Variants in RERE observed in about 807,000 individuals in gnomAD.
RERE encodes arginine-glutamic acid dipeptide repeats protein.
Under a neutral mutation model 146.1 loss-of-function variants are expected in RERE, and 40 were observed. The observed-to-expected ratio is 0.27, with a 90% CI of 0.21 to 0.36. The LOEUF (loss-of-function observed/expected upper bound fraction) is 0.36, where lower values mean the gene tolerates loss of function less well. RERE is among the 10% of genes least tolerant of loss of function. RERE has a pLI of 1.00. For synonymous variants in RERE, 1,003 were observed against 866.0 expected (o/e 1.16, Z -2.78); for missense variants, 1,933 against 2,138.7 (o/e 0.90, Z 1.90).
In RERE at chr1:8,520,124, C is replaced by G. The variant is rs116905977; in HGVS notation, c.831-11449G>C. Among the ~76,000 whole-genome samples the G allele has an allele frequency of 3.9e-5, 6 of 152,334 alleles. No individual in the cohort carries two copies. In the East Asian group the frequency reaches 1.2e-3, roughly 29 times the overall value. ...AGATTTAGTCAACTTAAAGTTACCA[C>G]TTCCATATTCACACACAAATAAATA... On this transcript the variant is annotated intron_variant, in intron 7 of 22. Coordinates refer to ENST00000400908, the MANE Select transcript of RERE (RefSeq NM_001042681.2).
chr1:8,378,811 G>A (rs538504694), intron 12 of RERE, among the ~76,000 whole-genome samples: 11 of 152,306 alleles, frequency 7.2e-5, no homozygotes, highest in Non-Finnish European at 1.6e-4. Flanking sequence ...TCGAGGAAAG[G>A]AGAGGAACCA....
intron 1 of RERE, among the ~76,000 whole-genome samples, chr1:8,780,971 C>T (rs1318598268): frequency 6.6e-6 from 1 of 151,906 alleles, no homozygotes. Flanking sequence ...TCTGTAATCG[C>T]AGCACTCTGG....
chr1:8,586,124 C>T (rs1038840267), intron 4 of RERE, among the ~76,000 whole-genome samples: 1 of 152,162 alleles, frequency 6.6e-6, no homozygotes, highest in African/African-American at 2.4e-5. Context: ...AGTAGATTAT[C>T]TAGGTCAAAT....
chr1:8,453,001 C>G (rs1197068851), intron 11 of RERE, among the ~76,000 whole-genome samples: 1 of 152,124 alleles, frequency 6.6e-6, no homozygotes. Flanking sequence ...AACCGGATTA[C>G]ACATCTCAGA....
intron 1 of RERE, among the ~76,000 whole-genome samples, chr1:8,766,546 CAAAAAAA>C (rs60530407): frequency 0.05 from 3,320 of 65,992 alleles, 66 homozygotes; most frequent in Non-Finnish European, 0.082. Context: ...GACTCCATTG[CAAAAAAA>C]AAAAAAAAAA....
intron 1 of RERE, among the ~76,000 whole-genome samples, chr1:8,705,574 T>A (rs560719174): frequency 2.0e-5 from 3 of 152,324 alleles, no homozygotes; most frequent in African/African-American, 4.8e-5. Flanking sequence ...ACAGCATTGA[T>A]CTCCGTTTGT....
At chr1:8,717,762 C>T (rs1036084281) in intron 1 of RERE, among the ~76,000 whole-genome samples, 1 of 152,132 alleles carries the variant, frequency 6.6e-6, no homozygotes, top group African/African-American at 2.4e-5. Context: ...GGAAGGTAAC[C>T]AGGATAGATC....
At chr1:8,619,581 A>G (rs1389725870) in intron 3 of RERE, among the ~76,000 whole-genome samples, 1 of 152,196 alleles carries the variant, frequency 6.6e-6, no homozygotes. Context: ...GAGTTTGCTT[A>G]CTTATCTGTG....
intron 7 of RERE, among the ~76,000 whole-genome samples, chr1:8,538,394 T>C (rs932105067): frequency 6.6e-6 from 1 of 152,124 alleles, no homozygotes; most frequent in Non-Finnish European, 1.5e-5. Flanking sequence ...CAGAGGTAAA[T>C]TCTGCAAGGG....
rs1643959723 is a variant in RERE, at chr1:8,423,861, G to T, written c.1204-1054C>A. 6.7e-6 allele frequency among the ~76,000 whole-genome samples: 1 copy of T among 149,340 alleles called. No homozygotes were observed. Among genetic ancestry groups the T allele is most frequent in the South Asian group, 2.1e-4 (1 of 4,816 alleles). On this transcript the variant is annotated intron_variant, in intron 11 of 22. Coordinates refer to ENST00000400908, the MANE Select transcript of RERE (RefSeq NM_001042681.2). This position sits in a 1 kb window ranked among gnomAD's most constrained non-coding sequence, Gnocchi z 5.4. ...CTGGATTGCCGCCGCCCTCCTGTCC[G>T]CCAGCCGGGGCCCCGCGCCCCGGCC...
intron 1 of RERE, among the ~76,000 whole-genome samples, chr1:8,777,533 CTT>C (rs752250797): frequency 1.7e-4 from 23 of 137,650 alleles, no homozygotes; most frequent in Middle Eastern, 3.8e-3. Context: ...AAGTGTCATA[CTT>C]TTTTTTTTTT....
chr1:8,772,466 A>T (rs914273033), intron 1 of RERE, among the ~76,000 whole-genome samples: 1 of 152,136 alleles, frequency 6.6e-6, no homozygotes, highest in African/African-American at 2.4e-5. Context: ...AACAAGGAAA[A>T]TCAGTGTTTC....
chr1:8,765,307 G>C (rs1212157473), intron 1 of RERE, among the ~76,000 whole-genome samples: 1 of 152,200 alleles, frequency 6.6e-6, no homozygotes. Flanking sequence ...CATAAAGACA[G>C]AAAGAAGATT....
At chr1:8,711,283 CT>C (rs772848217) in intron 1 of RERE, among the ~76,000 whole-genome samples, 1 of 149,876 alleles carries the variant, frequency 6.7e-6, no homozygotes, top group Non-Finnish European at 1.5e-5. Flanking sequence ...AAAAATACAA[CT>C]TTCCACTAGG....
chr1:8,422,712 T>C lies in RERE; in HGVS notation c.1284+15A>G. On this transcript the variant is annotated intron_variant, in intron 12 of 22. Transcript: ENST00000400908. ...GAGGAAAAAATCAAGTTACATAAAG[T>C]CCAATTGTACTCACTGTTTCCTTAT... 6.9e-6 allele frequency: 11 copies of C among 1,587,926 alleles called. No homozygotes were observed. The highest frequency in any genetic ancestry group is 1.3e-5 in the African/African-American group (1 of 74,464).
intron 10 of RERE, among the ~76,000 whole-genome samples, chr1:8,470,167 A>G (rs1291215957): frequency 1.3e-5 from 2 of 152,092 alleles, no homozygotes; most frequent in African/African-American, 4.8e-5. Context: ...TTCCCATGTT[A>G]TCAGTAAGTA....
chr1:8,442,318 G>A (rs1433526897), intron 11 of RERE, among the ~76,000 whole-genome samples: 6 of 150,218 alleles, frequency 4.0e-5, no homozygotes, highest in South Asian at 2.1e-4. Flanking sequence ...GGAAGCAGAC[G>A]TTGCACAGTG....
chr1:8,605,978 G>T (rs1646703784), intron 4 of RERE, among the ~76,000 whole-genome samples: 1 of 149,866 alleles, frequency 6.7e-6, no homozygotes, highest in South Asian at 2.1e-4. Context: ...AAAAGTAGCA[G>T]ATAACTTTTG....
chr1:8,746,674 C>T (rs565892309), intron 1 of RERE, among the ~76,000 whole-genome samples: 78 of 151,766 alleles, frequency 5.1e-4, no homozygotes, highest in African/African-American at 1.7e-3. Context: ...GAGTCATGAT[C>T]GTGGTCTGAC....
Sources: allele counts gnomAD v4.1 joint callset (sites outside exome capture counted in the v4.1 genomes callset), GRCh38; gene constraint gnomAD v4.1.1; non-coding constraint Gnocchi (gnomAD v3.1); transcripts MANE v1.5; gene names NCBI Gene and HGNC (gene_info 2026-07-23, HGNC 2026-07-21).